Variants in USP45 observed in about 807,000 individuals in gnomAD.
USP45 encodes ubiquitin specific peptidase 45.
Under a neutral mutation model 95.8 loss-of-function variants are expected in USP45, and 89 were observed. The ratio of observed to expected loss-of-function variants is 0.93; its 90% CI spans 0.78 to 1.11. The LOEUF is 1.11. Among genes scored for constraint, USP45 ranks in the 50% least tolerant of loss-of-function variants. The pLI is 0.00. For synonymous variants in USP45, 281 were observed against 316.2 expected, an observed-to-expected ratio of 0.89 and a Z score of 1.18; for missense variants, 898 against 942.5, an observed-to-expected ratio of 0.95 and a Z score of 0.62.
intron 7 of USP45, among the ~76,000 whole-genome samples, chr6:99,486,775 TTTAA>T (rs755025043): frequency 1.6e-4 from 24 of 151,970 alleles, no homozygotes; most frequent in African/African-American, 2.9e-4. Context: ...TTTAGAACTC[TTTAA>T]TTGTTTTCAA....
intron 4 of USP45, 48 bp downstream of exon 4, chr6:99,507,380 T>TG (rs781122122): frequency 3.6e-6 from 4 of 1,125,782 alleles, no homozygotes; most frequent in East Asian, 5.0e-5. Flanking sequence ...AAAAAAAAAT[T>TG]GGGGGGCTGT....
chr6:99,456,856 AAC>A (rs1214224086), intron 13 of USP45, among the ~76,000 whole-genome samples: 1 of 152,258 alleles, frequency 6.6e-6, no homozygotes, highest in African/African-American at 2.4e-5. Context: ...GAGCTGGCGG[AAC>A]AGAGCCATAT....
chr6:99,462,488 G>A (rs1178223880), intron 13 of USP45: 1 of 984,452 alleles, frequency 1.0e-6, no homozygotes, highest in Non-Finnish European at 1.2e-6. Flanking sequence ...CTTTTTAGGG[G>A]AATAGCAACA....
chr6:99,474,290 C>T (rs1395878933), intron 9 of USP45, among the ~76,000 whole-genome samples: 1 of 152,122 alleles, frequency 6.6e-6, no homozygotes, highest in South Asian at 2.1e-4. Flanking sequence ...CTCCGCCTCT[C>T]GGGTTCAAGC....
intron 15 of USP45, among the ~76,000 whole-genome samples, chr6:99,441,349 T>C (rs958806412): frequency 2.0e-5 from 3 of 152,058 alleles, no homozygotes; most frequent in African/African-American, 4.8e-5. Context: ...CTGACTGACA[T>C]GGTAAAACCC....
chr6:99,449,346 C>T (rs540201117), intron 13 of USP45, among the ~76,000 whole-genome samples: 1 of 151,634 alleles, frequency 6.6e-6, no homozygotes, highest in South Asian at 2.1e-4. Context: ...AAATGGAAAA[C>T]AAAAAAAGGC....
intron 10 of USP45, among the ~76,000 whole-genome samples, chr6:99,467,923 ACAT>A (rs1562357557): frequency 6.9e-5 from 8 of 115,352 alleles, no homozygotes; most frequent in Non-Finnish European, 1.4e-4. Context: ...CTTCATGCTA[ACAT>A]TAGTTAGTAT....
chr6:99,472,097 A>G (rs559302000), intron 9 of USP45, among the ~76,000 whole-genome samples: 27 of 152,328 alleles, frequency 1.8e-4, no homozygotes, highest in African/African-American at 6.3e-4. Context: ...ACTGCTATCA[A>G]ATTATAGAGG....
chr6:99,465,253 T>A, intron 11 of USP45, 117 bp from the exon 12 acceptor site: 1 of 723,110 alleles, frequency 1.4e-6, no homozygotes, highest in East Asian at 2.7e-5. Flanking sequence ...TTAAAAACTG[T>A]TCCTGAAAAA....
intron 15 of USP45, 57 bp downstream of exon 15, chr6:99,443,508 G>T: frequency 8.3e-7 from 1 of 1,206,428 alleles, no homozygotes; most frequent in South Asian, 1.4e-5. Flanking sequence ...TATTCTATAG[G>T]ACTTAATGCT....
At chr6:99,464,521 T>A in intron 13 of USP45, 83 bp downstream of exon 13, 1 of 1,446,732 alleles carries the variant, frequency 6.9e-7, no homozygotes. Context: ...TATTACACTA[T>A]GTTCTCTACT....
chr6:99,444,695 C>T (rs1782154328), intron 14 of USP45, among the ~76,000 whole-genome samples: 1 of 152,108 alleles, frequency 6.6e-6, no homozygotes, highest in Non-Finnish European at 1.5e-5. Flanking sequence ...TCAAACTAGC[C>T]AATCCTAAGC....
rs189811226 is a variant in USP45, at chr6:99,456,682, G to A, written c.1308+7922C>T. ...TAATCTCTTAATCCTGTCAGCTGAG[G>A]AGGATGTATGTTGCCTCAGGACCAT... On this transcript the variant is annotated intron_variant, in intron 13 of 17. Transcript: ENST00000500704. Among the ~76,000 whole-genome samples the A allele has an allele frequency of 1.6e-4, 24 of 152,254 alleles. 1 individual carries two copies. The East Asian group carries it at 4.6e-3, about 29-fold the overall frequency.
chr6:99,497,077 G>A (rs1796452591), intron 5 of USP45, among the ~76,000 whole-genome samples: 1 of 151,930 alleles, frequency 6.6e-6, no homozygotes, highest in South Asian at 2.1e-4. Flanking sequence ...TCTGTGCTTT[G>A]CCTATTCACC....
At chr6:99,485,996 C>T (rs527887032) in intron 7 of USP45, among the ~76,000 whole-genome samples, 2 of 152,268 alleles carry the variant, frequency 1.3e-5, no homozygotes, top group East Asian at 3.9e-4. Context: ...TTACAAAGAA[C>T]ACCTCTGAAA....
chr6:99,475,205 G>T (rs541055497), intron 9 of USP45, among the ~76,000 whole-genome samples: 1 of 151,992 alleles, frequency 6.6e-6, no homozygotes, highest in Non-Finnish European at 1.5e-5. Context: ...AAAATTTACA[G>T]AGCCAGAGAA....
intron 9 of USP45, among the ~76,000 whole-genome samples, chr6:99,474,082 TAACTC>T (rs1399757379): frequency 2.0e-5 from 3 of 152,170 alleles, no homozygotes; most frequent in Non-Finnish European, 2.9e-5. Flanking sequence ...AGAGAGTAAT[TAACTC>T]AATCCTTACT....
chr6:99,498,437 A>G (rs1479236548), intron 5 of USP45, among the ~76,000 whole-genome samples: 1 of 152,200 alleles, frequency 6.6e-6, no homozygotes, highest in Non-Finnish European at 1.5e-5. Context: ...GACATGTACA[A>G]ACATAAATAT....
chr6:99,433,488 A>G lies in USP45; in HGVS notation c.*2228T>C, dbSNP rs1354413872. ...AATAATAACAAAAATTTTAAGGTAGACCCATGTGTAATTTAACATGCTTTC... is the reference window on the plus strand; with the variant it reads ...AATAATAACAAAAATTTTAAGGTAGGCCCATGTGTAATTTAACATGCTTTC... On this transcript the variant is annotated 3_prime_UTR_variant, in exon 18 of 18. Coordinates refer to ENST00000500704, the MANE Select transcript of USP45 (RefSeq NM_001346022.3). The G allele has an allele frequency of 6.6e-6, 1 of 152,568 alleles. No individual in the cohort carries two copies. The highest frequency in any genetic ancestry group is 1.5e-5 in the Non-Finnish European group (1 of 68,024). 9.5% of individuals were successfully genotyped at this position (152,568 alleles called of 1,614,324 possible).
Sources: gnomAD v4.1 joint callset for allele counts (sites outside exome capture counted in the v4.1 genomes callset) on GRCh38, gnomAD v4.1.1 for gene constraint, MANE v1.5 for transcripts, NCBI Gene and HGNC (gene_info 2026-07-23, HGNC 2026-07-21) for gene names.